Variants in NCOA5 observed in about 807,000 individuals in gnomAD.
NCOA5 encodes NCoA-5.
A neutral mutation model predicts 59.0 loss-of-function variants in NCOA5; 12 were observed. The ratio of observed to expected loss-of-function variants is 0.20; its 90% CI spans 0.13 to 0.33. The LOEUF is 0.33. Among genes scored for constraint, NCOA5 ranks in the 10% least tolerant of loss-of-function variants. NCOA5 has a pLI of 1.00. For synonymous variants in NCOA5, 270 were observed against 275.5 expected (o/e 0.98, Z 0.20); for missense variants, 655 against 766.6 (o/e 0.85, Z 1.72).
intron 2 of NCOA5, among the ~76,000 whole-genome samples, chr20:46,072,017 T>C (rs2084887737): frequency 6.6e-6 from 1 of 152,190 alleles, no homozygotes; most frequent in South Asian, 2.1e-4. Context: ...TCTCAGTAAA[T>C]GGCACATCCA....
At chr20:46,078,836 GA>G (rs2084965104) in intron 2 of NCOA5, among the ~76,000 whole-genome samples, 1 of 152,138 alleles carries the variant, frequency 6.6e-6, no homozygotes, top group Non-Finnish European at 1.5e-5. Flanking sequence ...TGAAAGCTAA[GA>G]AAAAGGGAGA....
intron 2 of NCOA5, among the ~76,000 whole-genome samples, chr20:46,072,745 TTCAA>T (rs767799927): frequency 2.6e-5 from 4 of 152,352 alleles, no homozygotes; most frequent in East Asian, 3.9e-4. Flanking sequence ...GATTGTTAGA[TTCAA>T]TCAAAGTTTA....
intron 6 of NCOA5, among the ~76,000 whole-genome samples, 183 bp from the exon 7 acceptor site, chr20:46,063,863 G>A (rs1274776573): frequency 1.3e-5 from 2 of 152,138 alleles, no homozygotes; most frequent in Admixed American, 1.3e-4. Flanking sequence ...GGAAGTGAAC[G>A]AACACTTTTG....
intron 1 of NCOA5, among the ~76,000 whole-genome samples, chr20:46,086,465 A>G (rs892819285): frequency 1.3e-5 from 2 of 152,182 alleles, no homozygotes; most frequent in African/African-American, 2.4e-5. Context: ...TGCTGGTATT[A>G]TATATTTAGC....
intron 2 of NCOA5, among the ~76,000 whole-genome samples, chr20:46,077,807 T>G (rs1484276178): frequency 6.6e-6 from 1 of 152,222 alleles, no homozygotes; most frequent in Non-Finnish European, 1.5e-5. Context: ...TCCACCTGTA[T>G]TCCATTCTGT....
At chr20:46,067,379 C>T (rs1262196212) in intron 4 of NCOA5, among the ~76,000 whole-genome samples, 198 bp from the exon 5 acceptor site, 1 of 152,146 alleles carries the variant, frequency 6.6e-6, no homozygotes, top group African/African-American at 2.4e-5. Context: ...CATTTTAATG[C>T]TGCATCTGAT....
chr20:46,063,909 T>TG (rs2084794746), intron 6 of NCOA5, among the ~76,000 whole-genome samples: 1 of 152,044 alleles, frequency 6.6e-6, no homozygotes, highest in African/African-American at 2.4e-5. Context: ...GCTGGTTCTT[T>TG]GGGGGAATTC....
chr20:46,072,493 C>T (rs750447599), intron 2 of NCOA5, among the ~76,000 whole-genome samples: 1 of 152,138 alleles, frequency 6.6e-6, no homozygotes, highest in African/African-American at 2.4e-5. Context: ...TGCCACTGTG[C>T]CAGGCTCCCA....
In NCOA5 at chr20:46,081,772, A is replaced by AT. The variant is rs879573364; in HGVS notation, c.-29-2320dup. On this transcript the variant is annotated intron_variant, in intron 1 of 7. Transcript: ENST00000290231. ...GACGTATGGAGAAAATGAGACCTGG[A>AT]TTTTTTTTTTTTTCCTATCTAATAG... is the stretch of plus-strand genomic sequence containing the variant. 5.7e-3 allele frequency among the ~76,000 whole-genome samples: 822 copies of AT among 144,426 alleles called. 7 individuals are homozygous for AT. Among genetic ancestry groups the AT allele is most frequent in the African/African-American group, 0.015 (598 of 39,634 alleles). 94.7% of individuals were successfully genotyped at this position (144,426 alleles called of 152,430 possible).
At chr20:46,072,177 A>G (rs571052836) in intron 2 of NCOA5, among the ~76,000 whole-genome samples, 1 of 152,314 alleles carries the variant, frequency 6.6e-6, no homozygotes, top group South Asian at 2.1e-4. Context: ...AGGCCAGCGC[A>G]TAATCATCTC....
At chr20:46,081,649 A>C (rs569709716) in intron 1 of NCOA5, among the ~76,000 whole-genome samples, 1 of 152,210 alleles carries the variant, frequency 6.6e-6, no homozygotes, top group African/African-American at 2.4e-5. Flanking sequence ...TTCTCAGATA[A>C]TTGTCTCATT....
At position 46,063,150 on chromosome 20, in the gene NCOA5, C is replaced by T. The variant is rs145798171; in HGVS notation, c.1150+210G>A. On this transcript the variant is annotated intron_variant, in intron 7 of 7. Transcript: ENST00000290231. Reference sequence around the variant, plus strand: ...GCCAGCAATACTAGTCAATCCACCACATTAACTATAGGGATCAGCATTCAG... The same window carrying T: ...GCCAGCAATACTAGTCAATCCACCATATTAACTATAGGGATCAGCATTCAG... Among the ~76,000 whole-genome samples the T allele has an allele frequency of 2.0e-4, 30 of 152,306 alleles. 1 individual carries two copies. Among genetic ancestry groups the T allele is most frequent in the African/African-American group, 7.2e-4 (30 of 41,556 alleles).
rs549081679 is a variant in NCOA5 at position 46,082,567 on chromosome 20, C to A, written c.-29-3114G>T. 2.8e-4 allele frequency among the ~76,000 whole-genome samples: 42 copies of A among 152,322 alleles called. No individual in the cohort carries two copies. In the South Asian group the frequency reaches 8.5e-3, roughly 31 times the overall value. ...TTATTCTGGCCAACTGCCCTTAAGA[C>A]CAAAAGTCATCTCTCAGTGTCTTCT... On this transcript the variant is annotated intron_variant, in intron 1 of 7. Coordinates refer to ENST00000290231, the MANE Select transcript of NCOA5 (RefSeq NM_020967.3).
In NCOA5 at chr20:46,068,489, T is replaced by C; in HGVS notation, c.502+13A>G. On this transcript the variant is annotated intron_variant, in intron 4 of 7. Transcript: ENST00000290231. ...CTATCAATAATAGGAATAGACTGTT[T>C]CAGCTACTTTACCTTTTGCACGAGA... 3 of 1,607,430 alleles carry C rather than the reference T, an allele frequency of 1.9e-6. No homozygotes were observed. Among genetic ancestry groups the C allele is most frequent in the Non-Finnish European group, 2.5e-6 (3 of 1,177,930 alleles).
intron 6 of NCOA5, among the ~76,000 whole-genome samples, chr20:46,064,759 C>T (rs111700431): frequency 0.026 from 3,892 of 152,238 alleles, 164 homozygotes; most frequent in African/African-American, 0.089. Flanking sequence ...GCTATAAACG[C>T]CCTCCCCCCA....
At chr20:46,079,320 C>A in intron 2 of NCOA5, 67 bp downstream of exon 2, 1 of 1,492,692 alleles carries the variant, frequency 6.7e-7, no homozygotes, top group South Asian at 1.1e-5. Context: ...CTTTGGTGTA[C>A]GAAGCTGGGC....
intron 6 of NCOA5, 72 bp from the exon 7 acceptor site, chr20:46,063,752 A>G: frequency 7.0e-7 from 1 of 1,433,202 alleles, no homozygotes; most frequent in Non-Finnish European, 9.5e-7. Context: ...CACTCTGTCA[A>G]GTCTTTCCTA....
chr20:46,071,906 T>C (rs780303423), intron 2 of NCOA5, among the ~76,000 whole-genome samples: 3 of 152,190 alleles, frequency 2.0e-5, no homozygotes, highest in Non-Finnish European at 2.9e-5. Flanking sequence ...TTTACAACAA[T>C]GTCTTATGTC....
At position 46,084,243 on chromosome 20, in the gene NCOA5, T is replaced by C. The variant is rs74707556; in HGVS notation, c.-29-4790A>G. Among the ~76,000 whole-genome samples, 439 of 152,328 alleles carry C rather than the reference T, an allele frequency of 2.9e-3. 4 individuals are homozygous for C. The highest frequency in any genetic ancestry group is 0.01 in the Middle Eastern group (3 of 294). On this transcript the variant is annotated intron_variant, in intron 1 of 7. Transcript: ENST00000290231. ...AGAAATTAAGTGACAGGCCACACAA[T>C]TATCAGGAGGCAGAGCTGAGACTCA...
Sources: allele counts gnomAD v4.1 joint callset (sites outside exome capture counted in the v4.1 genomes callset), GRCh38; gene constraint gnomAD v4.1.1; transcripts MANE v1.5; gene names NCBI Gene and HGNC (gene_info 2026-07-23, HGNC 2026-07-21).